FBXL17: variants seen among roughly 807,000 people sequenced by gnomAD.
FBXL17 encodes F-box/LRR-repeat protein 17.
Under a neutral mutation model 66.2 loss-of-function variants are expected in FBXL17, and 22 were observed. That is an observed-to-expected ratio of 0.33 (90% CI 0.24 to 0.47). The LOEUF is 0.47. Ranked by LOEUF, FBXL17 falls within the 20% of genes least tolerant of loss-of-function variation. The pLI is 1.00. For missense variants in FBXL17, 878 were observed against 948.2 expected, an observed-to-expected ratio of 0.93 and a Z score of 0.97; for synonymous variants, 474 against 400.5, an observed-to-expected ratio of 1.18 and a Z score of -2.19.
rs78146801 is a variant in FBXL17 at position 107,922,130 on chromosome 5, C to T, written c.1823-40951G>A. ...GGATTAAGCTCAGACAGAAATACCACGAGGCATGCAGAATCTCTGAAAGCG... is the reference window on the plus strand; with the variant it reads ...GGATTAAGCTCAGACAGAAATACCATGAGGCATGCAGAATCTCTGAAAGCG... On this transcript the variant is annotated intron_variant, in intron 7 of 8. Transcript: ENST00000542267. Among the ~76,000 whole-genome samples the T allele has an allele frequency of 2.8e-3, 430 of 152,188 alleles. 3 individuals are homozygous for T. The highest frequency in any genetic ancestry group is 0.01 in the African/African-American group (422 of 41,526).
chr5:108,199,998 G>C (rs1365156070), intron 5 of FBXL17, among the ~76,000 whole-genome samples: 5 of 152,076 alleles, frequency 3.3e-5, no homozygotes, highest in Non-Finnish European at 4.4e-5. Flanking sequence ...GCATCCCAAA[G>C]CTGAAGACAC....
intron 6 of FBXL17, among the ~76,000 whole-genome samples, chr5:108,027,731 A>G (rs1754883474): frequency 6.6e-6 from 1 of 152,132 alleles, no homozygotes; most frequent in South Asian, 2.1e-4. Flanking sequence ...TCAAAAATCA[A>G]CTGAAGGTCA....
chr5:108,095,150 G>C (rs1749321807), intron 6 of FBXL17, among the ~76,000 whole-genome samples: 1 of 151,886 alleles, frequency 6.6e-6, no homozygotes, highest in African/African-American at 2.4e-5. Flanking sequence ...GGAGGCTCAT[G>C]AATTTTTCTT....
intron 7 of FBXL17, among the ~76,000 whole-genome samples, chr5:107,904,388 A>G (rs1749681931): frequency 2.0e-5 from 3 of 152,180 alleles, no homozygotes; most frequent in Middle Eastern, 3.4e-3. Flanking sequence ...ACTCTGCTCT[A>G]TTTGGATCCT....
rs757984015 is a variant in FBXL17 at position 108,381,220 on chromosome 5, T to C, written c.472A>G (p.Ser158Gly). Residue 158 changes from serine (S) to glycine (G), a missense_variant, in exon 1 of 9, where the codon AGT becomes GGT. Transcript: ENST00000542267. The part of the protein sequence containing the change: ...AAAAWEQQGR[S>G]LFLASLGPVR... ...GGCCCCAAGCTGGCCAGGAAGAGAC[T>C]TCGGCCCTGCTGCTCCCAGGCGGCG... 6.2e-6 allele frequency: 9 copies of C among 1,448,208 alleles called. No individual in the cohort carries two copies. In the East Asian group the frequency reaches 2.1e-4, roughly 34 times the overall value. 89.7% of individuals were successfully genotyped at this position (1,448,208 alleles called of 1,614,324 possible).
chr5:108,035,314 A>T (rs1746798691), intron 6 of FBXL17, among the ~76,000 whole-genome samples: 1 of 152,220 alleles, frequency 6.6e-6, no homozygotes, highest in South Asian at 2.1e-4. Context: ...AACATTAATT[A>T]TAAAAAGACA....
At chr5:108,077,499 C>CA (rs1199869728) in intron 6 of FBXL17, among the ~76,000 whole-genome samples, 2 of 151,706 alleles carry the variant, frequency 1.3e-5, no homozygotes, top group African/African-American at 2.4e-5. Flanking sequence ...CCCATCTCTA[C>CA]AAAAAATCAA....
At chr5:108,284,800 C>T (rs1460445594) in intron 4 of FBXL17, among the ~76,000 whole-genome samples, 2 of 151,856 alleles carry the variant, frequency 1.3e-5, no homozygotes, top group African/African-American at 4.8e-5. Context: ...TTGATGGCTA[C>T]TGATTGATCA....
chr5:108,195,828 G>A (rs755574670), intron 5 of FBXL17, among the ~76,000 whole-genome samples: 3 of 152,070 alleles, frequency 2.0e-5, no homozygotes, highest in Non-Finnish European at 4.4e-5. Context: ...TATGGGGCAC[G>A]AGAGAAAAAG....
chr5:107,993,050 C>T (rs924258132), intron 7 of FBXL17, among the ~76,000 whole-genome samples: 18 of 152,066 alleles, frequency 1.2e-4, no homozygotes, highest in African/African-American at 3.1e-4. Flanking sequence ...CGCCCGCCAC[C>T]ACGCCTGGCT....
At chr5:108,047,374 G>T (rs931353620) in intron 6 of FBXL17, among the ~76,000 whole-genome samples, 2 of 152,186 alleles carry the variant, frequency 1.3e-5, no homozygotes, top group Non-Finnish European at 2.9e-5. Context: ...CCAGAGTGAC[G>T]CAGATTCTCA....
intron 4 of FBXL17, among the ~76,000 whole-genome samples, chr5:108,277,028 T>G (rs951945714): frequency 3.3e-5 from 5 of 152,076 alleles, no homozygotes; most frequent in African/African-American, 1.2e-4. Context: ...AACACTACAA[T>G]TTAGATGTTT....
intron 7 of FBXL17, among the ~76,000 whole-genome samples, chr5:107,893,609 G>A (rs899627369): frequency 2.0e-5 from 3 of 152,106 alleles, no homozygotes; most frequent in African/African-American, 7.2e-5. Flanking sequence ...ACAATATTCT[G>A]ATTCCAGTGG....
intron 7 of FBXL17, among the ~76,000 whole-genome samples, chr5:107,892,766 T>C (rs1749237663): frequency 6.6e-6 from 1 of 152,164 alleles, no homozygotes; most frequent in African/African-American, 2.4e-5. Flanking sequence ...ACCAGTACAG[T>C]TGTAACTCAG....
chr5:108,285,536 G>A (rs530514953), intron 4 of FBXL17, among the ~76,000 whole-genome samples: 63 of 151,976 alleles, frequency 4.1e-4, no homozygotes, highest in African/African-American at 1.4e-3. Flanking sequence ...TAATGTCCTT[G>A]TAAATGCCAT....
chr5:108,295,953 T>A (rs1391715567), intron 4 of FBXL17, among the ~76,000 whole-genome samples: 8 of 128,214 alleles, frequency 6.2e-5, no homozygotes, highest in African/African-American at 6.0e-5. Flanking sequence ...AGTAGGAAAA[T>A]TAAACAAAAC....
intron 5 of FBXL17, among the ~76,000 whole-genome samples, chr5:108,222,429 T>C (rs1465534770): frequency 3.3e-5 from 5 of 152,136 alleles, no homozygotes; most frequent in African/African-American, 1.2e-4. Flanking sequence ...GAATTAAAAA[T>C]TATGGTTACA....
At chr5:108,160,117 C>G (rs1163015275) in intron 6 of FBXL17, among the ~76,000 whole-genome samples, 3 of 152,230 alleles carry the variant, frequency 2.0e-5, no homozygotes, top group African/African-American at 7.2e-5. Flanking sequence ...TATTTGTACT[C>G]ACGTTGGCCA....
chr5:108,069,344 G>A (rs1200971881), intron 6 of FBXL17, among the ~76,000 whole-genome samples: 1 of 152,134 alleles, frequency 6.6e-6, no homozygotes, highest in Admixed American at 6.5e-5. Flanking sequence ...GGCTACTCTA[G>A]AATACATATT....
Sources: gnomAD v4.1 joint callset for allele counts (sites outside exome capture counted in the v4.1 genomes callset) on GRCh38, gnomAD v4.1.1 for gene constraint, MANE v1.5 for transcripts, NCBI Gene and HGNC (gene_info 2026-07-23, HGNC 2026-07-21) for gene names.